Variants in PRH1 observed in about 807,000 individuals in gnomAD.
PRH1 encodes the protein salivary acidic proline-rich phosphoprotein 1/2.
PRH1 carries 7 observed loss-of-function variants against 7.9 expected under a neutral mutation model. The ratio of observed to expected loss-of-function variants is 0.89; its 90% CI spans 0.50 to 1.67. PRH1 has a LOEUF of 1.67. Ranked by LOEUF, PRH1 falls within the 40% of genes most tolerant of loss-of-function variation. PRH1 has a pLI of 0.00. For synonymous variants in PRH1, 45 were observed against 80.8 expected (o/e 0.56, Z 2.38); for missense variants, 109 against 223.6 (o/e 0.49, Z 3.27).
chr12:11,000,466 C>T (rs1230566827), intron 1 of PRH1, among the ~76,000 whole-genome samples: 1 of 151,980 alleles, frequency 6.6e-6, no homozygotes, highest in Non-Finnish European at 1.5e-5. Context: ...AAAGTTGTTC[C>T]TTTTAAAATA....
At chr12:11,101,682 G>T (rs2597969) in intron 1 of PRH1, among the ~76,000 whole-genome samples, 69,118 of 151,814 alleles carry the variant, frequency 0.46, 16,534 homozygotes, top group Non-Finnish European at 0.53. Context: ...AAAACATACA[G>T]ATACAGAGTA....
intron 1 of PRH1, among the ~76,000 whole-genome samples, chr12:11,155,827 T>C (rs1371991505): frequency 6.6e-6 from 1 of 152,180 alleles, no homozygotes; most frequent in Non-Finnish European, 1.5e-5. Flanking sequence ...TTACATGTCA[T>C]TCAATGCACT....
In PRH1 at chr12:10,997,507, C is replaced by T. The variant is rs760794093; in HGVS notation, c.-125-23786G>A. The T allele has an allele frequency of 1.9e-6, 3 of 1,613,880 alleles. 1 individual carries two copies. In the South Asian group the frequency reaches 3.3e-5, roughly 18 times the overall value. On this transcript the variant is annotated intron_variant, in intron 1 of 3. Coordinates refer to the PRH1 transcript ENST00000539853. The stretch of plus-strand genomic sequence containing the variant: ...TCACCAGAACTACACTCTTAGCCTT[C>T]CTTTTTAAGTGATGAAAAATAAGTC...
At chr12:10,929,302 T>A in intron 2 of PRH1, 1 of 1,614,200 alleles carries the variant, frequency 6.2e-7, no homozygotes, top group Non-Finnish European at 8.5e-7. Flanking sequence ...TCAGTGGCCC[T>A]GCTGGCCTTC....
chr12:10,938,175 A>T, intron 2 of PRH1: 2 of 977,332 alleles, frequency 2.0e-6, no homozygotes, highest in Non-Finnish European at 3.0e-6. Flanking sequence ...AAAGTTATAC[A>T]CAATGAAAGA....
At chr12:10,921,505 A>G (rs953685770) in intron 2 of PRH1, among the ~76,000 whole-genome samples, 2 of 152,160 alleles carry the variant, frequency 1.3e-5, no homozygotes, top group African/African-American at 4.8e-5. Flanking sequence ...TCTACATTTC[A>G]TCAATTTTTC....
chr12:11,140,468 T>C (rs764727374), intron 1 of PRH1, among the ~76,000 whole-genome samples: 5 of 152,154 alleles, frequency 3.3e-5, no homozygotes, highest in Non-Finnish European at 5.9e-5. Context: ...CTTCTATGTG[T>C]AACTGATTCC....
intron 2 of PRH1, among the ~76,000 whole-genome samples, chr12:10,967,046 C>T (rs758472295): frequency 1.4e-5 from 2 of 143,864 alleles, no homozygotes; most frequent in East Asian, 2.1e-4. Flanking sequence ...ACCCCGGAGG[C>T]GGAGCTTGCA....
intron 2 of PRH1, chr12:10,939,404 C>T: frequency 4.1e-6 from 2 of 488,018 alleles, no homozygotes; most frequent in South Asian, 4.3e-5. Flanking sequence ...TCTGTATTTC[C>T]CCAGACAGCT....
upstream of PRH1, among the ~76,000 whole-genome samples, chr12:11,051,849 C>A (rs959982879): frequency 3.9e-5 from 6 of 152,050 alleles, no homozygotes; most frequent in Non-Finnish European, 8.8e-5. Context: ...TATGTTTTTT[C>A]ATTTTATGAT....
chr12:11,171,606 C>G, upstream of PRH1: 1 of 1,210,092 alleles, frequency 8.3e-7, no homozygotes, highest in Non-Finnish European at 1.0e-6. Flanking sequence ...GCATGATGGC[C>G]GACTCCCAGG....
chr12:11,031,259 A>T, intron 1 of PRH1: 1 of 1,614,118 alleles, frequency 6.2e-7, no homozygotes, highest in Non-Finnish European at 8.5e-7. Context: ...CAATGCTATG[A>T]AGCCATTAGC....
intron 2 of PRH1, among the ~76,000 whole-genome samples, chr12:10,909,858 C>G (rs572740851): frequency 3.9e-5 from 6 of 152,272 alleles, no homozygotes; most frequent in Admixed American, 6.5e-5. Flanking sequence ...AAAGCTGGAT[C>G]TGGTCAATAC....
At chr12:11,024,575 A>G (rs1941815617) in intron 1 of PRH1, among the ~76,000 whole-genome samples, 1 of 152,234 alleles carries the variant, frequency 6.6e-6, no homozygotes, top group African/African-American at 2.4e-5. Flanking sequence ...TGGAATCAAC[A>G]TTTTGTATCC....
At chr12:10,941,578 T>TATC (rs2135893962) in intron 2 of PRH1, among the ~76,000 whole-genome samples, 1 of 150,114 alleles carries the variant, frequency 6.7e-6, no homozygotes, top group East Asian at 1.9e-4. Flanking sequence ...TATTAAAATT[T>TATC]ATTATTTATT....
intron 1 of PRH1, among the ~76,000 whole-genome samples, chr12:11,122,446 A>C (rs1262571609): frequency 6.6e-6 from 1 of 152,278 alleles, no homozygotes; most frequent in Non-Finnish European, 1.5e-5. Context: ...CTTGCAGAAA[A>C]ACATAAGTGA....
At chr12:11,022,477 A>G in intron 1 of PRH1, 1 of 1,611,608 alleles carries the variant, frequency 6.2e-7, no homozygotes, top group Non-Finnish European at 8.5e-7. Flanking sequence ...CCAGTCAATG[A>G]CATTTACTAG....
chr12:11,147,153 T>C (rs1346915357), intron 1 of PRH1, among the ~76,000 whole-genome samples: 1 of 152,148 alleles, frequency 6.6e-6, no homozygotes, highest in Non-Finnish European at 1.5e-5. Context: ...GAAATTATAT[T>C]TTATAATACT....
intron 1 of PRH1, among the ~76,000 whole-genome samples, chr12:11,125,256 T>C (rs1946074891): frequency 6.6e-6 from 1 of 152,300 alleles, no homozygotes. Flanking sequence ...ATTTTTTTTC[T>C]TTTACCACAT....
Sources: gnomAD v4.1 joint callset for allele counts (sites outside exome capture counted in the v4.1 genomes callset) on GRCh38, gnomAD v4.1.1 for gene constraint, MANE v1.5 for transcripts, NCBI Gene and HGNC (gene_info 2026-07-23, HGNC 2026-07-21) for gene names.